The following NTM variants were observed in gnomAD, a reference collection of about 807,000 sequenced individuals.
NTM encodes neurotrimin.
NTM carries 13 observed loss-of-function variants against 42.1 expected under a neutral mutation model. The ratio of observed to expected loss-of-function variants is 0.31; its 90% CI spans 0.20 to 0.49. NTM has a LOEUF of 0.49. Ranked by LOEUF, NTM falls within the 20% of genes least tolerant of loss-of-function variation. The pLI, the probability that NTM is intolerant of heterozygous loss-of-function variation, is 0.99. For synonymous variants in NTM, 187 were observed against 179.2 expected (o/e 1.04, Z -0.35); for missense variants, 373 against 452.8 (o/e 0.82, Z 1.60).
intron 1 of NTM, among the ~76,000 whole-genome samples, chr11:131,867,692 GTGTC>G (rs530466380): frequency 2.0e-5 from 3 of 152,054 alleles, no homozygotes; most frequent in South Asian, 2.1e-4. Flanking sequence ...GTATGTCTGT[GTGTC>G]TGTAGGAGTC....
chr11:132,162,627 GTA>G (rs1369835613), intron 3 of NTM, among the ~76,000 whole-genome samples: 1 of 150,156 alleles, frequency 6.7e-6, no homozygotes. Flanking sequence ...GTGAGTGTGT[GTA>G]TGTGTGTGGG....
intron 2 of NTM, among the ~76,000 whole-genome samples, chr11:132,040,126 G>A (rs1189791937): frequency 6.6e-6 from 1 of 151,984 alleles, no homozygotes; most frequent in African/African-American, 2.4e-5. Flanking sequence ...GACGAGATGG[G>A]GGTTTCACCA....
In NTM at chr11:131,952,957, G is replaced by A. The variant is rs117168995; in HGVS notation, c.167+41309G>A. 5.6e-3 allele frequency among the ~76,000 whole-genome samples: 856 copies of A among 152,200 alleles called. 5 individuals are homozygous for A. The highest frequency in any genetic ancestry group is 0.015 in the South Asian group (71 of 4,806). On this transcript the variant is annotated intron_variant, in intron 2 of 8. Coordinates refer to ENST00000683400, the MANE Select transcript of NTM (RefSeq NM_001352005.2). ...TTTGCTGTTGTTATTCTGATCTTGT[G>A]GTGGCATATAGACTTAAAGTCTCTG...
intron 3 of NTM, among the ~76,000 whole-genome samples, chr11:132,163,750 G>A (rs568445198): frequency 1.3e-5 from 2 of 152,362 alleles, no homozygotes; most frequent in Non-Finnish European, 2.9e-5. Flanking sequence ...AGAGACAGAA[G>A]CCTCCTTGGA....
intron 2 of NTM, among the ~76,000 whole-genome samples, chr11:132,125,860 G>A (rs1288710780): frequency 8.5e-5 from 2 of 23,480 alleles, no homozygotes; most frequent in Non-Finnish European, 1.9e-4. Context: ...GTATGCTGTG[G>A]TATGTGGTGT....
At chr11:132,036,474 G>A (rs2076525124) in intron 2 of NTM, among the ~76,000 whole-genome samples, 1 of 152,142 alleles carries the variant, frequency 6.6e-6, no homozygotes, top group Admixed American at 6.5e-5. Context: ...GTGGCTGTTG[G>A]AGAAAAATTC....
chr11:131,914,215 A>AGAGTTCT (rs1164641677), intron 2 of NTM, among the ~76,000 whole-genome samples: 2 of 152,222 alleles, frequency 1.3e-5, no homozygotes, highest in African/African-American at 4.8e-5. Flanking sequence ...CTAGTAGTTC[A>AGAGTTCT]GAGTTCTGAG....
intron 1 of NTM, among the ~76,000 whole-genome samples, chr11:131,580,597 T>C (rs936559509): frequency 6.6e-6 from 1 of 152,128 alleles, no homozygotes; most frequent in African/African-American, 2.4e-5. Context: ...CAAAGTGACC[T>C]GACAGATGGA....
chr11:131,847,065 C>G (rs2044997021), intron 1 of NTM, among the ~76,000 whole-genome samples: 1 of 152,052 alleles, frequency 6.6e-6, no homozygotes, highest in African/African-American at 2.4e-5. Flanking sequence ...TCTGTGACTG[C>G]AGATTTAATT....
At chr11:132,058,859 G>T (rs1306225234) in intron 2 of NTM, among the ~76,000 whole-genome samples, 2 of 152,152 alleles carry the variant, frequency 1.3e-5, no homozygotes, top group African/African-American at 2.4e-5. Flanking sequence ...AGGAAGCAGG[G>T]TGCACAGTGG....
At chr11:131,759,977 G>T (rs2083888817) in intron 1 of NTM, among the ~76,000 whole-genome samples, 1 of 152,112 alleles carries the variant, frequency 6.6e-6, no homozygotes, top group Non-Finnish European at 1.5e-5. Context: ...CTGAAAAGCA[G>T]AACCTAATTT....
At chr11:131,399,452 C>T (rs1311450841) in intron 1 of NTM, among the ~76,000 whole-genome samples, 1 of 152,172 alleles carries the variant, frequency 6.6e-6, no homozygotes, top group Non-Finnish European at 1.5e-5. Context: ...GGTACAACCC[C>T]AGTTGCTATG....
At chr11:131,868,541 C>T (rs2047451783) in intron 1 of NTM, among the ~76,000 whole-genome samples, 1 of 152,220 alleles carries the variant, frequency 6.6e-6, no homozygotes, top group African/African-American at 2.4e-5. Flanking sequence ...CGGCTGTAGC[C>T]TGGCTCCAAT....
chr11:132,053,579 A>T (rs1353645909), intron 2 of NTM, among the ~76,000 whole-genome samples: 1 of 152,216 alleles, frequency 6.6e-6, no homozygotes, highest in East Asian at 1.9e-4. Flanking sequence ...TAGAGGGATT[A>T]ATGAGGACAG....
chr11:131,622,178 C>T (rs1414425005), intron 1 of NTM, among the ~76,000 whole-genome samples: 1 of 152,096 alleles, frequency 6.6e-6, no homozygotes, highest in African/African-American at 2.4e-5. Flanking sequence ...AGATAAAGTT[C>T]CTGTAATTAG....
intron 1 of NTM, among the ~76,000 whole-genome samples, chr11:131,532,463 C>T (rs1184896106): frequency 6.6e-6 from 1 of 152,200 alleles, no homozygotes; most frequent in Non-Finnish European, 1.5e-5. Flanking sequence ...ATCACCCACT[C>T]CTCTGTCATA....
rs1002514983 is a variant in NTM, at chr11:132,070,465, C to A, written c.168-75817C>A. ...GTCACACAGCCAAGTTAACACATCA[C>A]ACAGCCAAGTTAACACGTCAAACTG... On this transcript the variant is annotated intron_variant, in intron 2 of 8. Coordinates refer to ENST00000683400, the MANE Select transcript of NTM (RefSeq NM_001352005.2). Among the ~76,000 whole-genome samples the A allele has an allele frequency of 4.9e-5, 6 of 121,828 alleles. 1 individual carries two copies. Among genetic ancestry groups the A allele is most frequent in the East Asian group, 2.4e-4 (1 of 4,156 alleles). The allele number at this position is 121,828 out of a possible 152,430, so 79.9% of individuals were successfully genotyped here. A position where few individuals can be genotyped will look rare whatever the true frequency, so the allele number is the denominator to read the frequency against.
intron 7 of NTM, among the ~76,000 whole-genome samples, chr11:132,325,944 A>G (rs540561082): frequency 1.3e-5 from 2 of 150,978 alleles, no homozygotes; most frequent in Admixed American, 1.3e-4. Flanking sequence ...GCGTGTTCTC[A>G]CTCATAGGTG....
At chr11:132,210,089 T>G (rs1042116216) in intron 3 of NTM, among the ~76,000 whole-genome samples, 1 of 152,314 alleles carries the variant, frequency 6.6e-6, no homozygotes, top group Middle Eastern at 3.4e-3. Flanking sequence ...GGCCCCACTC[T>G]GACCTCGCAA....
Sources: gnomAD v4.1 joint callset for allele counts (sites outside exome capture counted in the v4.1 genomes callset) on GRCh38, gnomAD v4.1.1 for gene constraint, MANE v1.5 for transcripts, NCBI Gene and HGNC (gene_info 2026-07-23, HGNC 2026-07-21) for gene names.